KHDRBS2: variants seen among roughly 807,000 people sequenced by gnomAD.
KHDRBS2 encodes KH RNA binding domain containing, signal transduction associated 2, also known as KH domain-containing, RNA-binding, signal transduction-associated protein 2.
A neutral mutation model predicts 44.3 loss-of-function variants in KHDRBS2; 26 were observed. The ratio of observed to expected loss-of-function variants is 0.59; its 90% confidence interval spans 0.43 to 0.81. KHDRBS2 has a LOEUF of 0.81. Among genes scored for constraint, KHDRBS2 ranks in the 40% least tolerant of loss-of-function variants. KHDRBS2 has a pLI of 0.00. For synonymous variants in KHDRBS2, 194 were observed against 151.1 expected, an observed-to-expected ratio of 1.28 and a Z score of -2.08; for missense variants, 476 against 433.1, an observed-to-expected ratio of 1.10 and a Z score of -0.88.
At chr6:61,635,515 A>G in the KHDRBS2 span, among the ~76,000 whole-genome samples, 32 of 152,024 alleles carry the variant, frequency 2.1e-4, no homozygotes, top group Admixed American at 2.1e-3. Flanking sequence ...GGGGCTTCTC[A>G]GGGGTTCTAG....
At chr6:61,851,974 C>T (rs1795490874) in intron 6 of KHDRBS2, among the ~76,000 whole-genome samples, 1 of 152,172 alleles carries the variant, frequency 6.6e-6, no homozygotes, top group African/African-American at 2.4e-5. Flanking sequence ...GTAATCCCAG[C>T]ACTTTGGGAG....
At chr6:61,629,262 A>G in the KHDRBS2 span, among the ~76,000 whole-genome samples, 4 of 152,186 alleles carry the variant, frequency 2.6e-5, no homozygotes, top group Non-Finnish European at 5.9e-5. Context: ...GCAAAATTGC[A>G]CCTTTAAGTA....
At chr6:62,114,729 T>A (rs1805805904) in intron 2 of KHDRBS2, among the ~76,000 whole-genome samples, 1 of 152,100 alleles carries the variant, frequency 6.6e-6, no homozygotes, top group African/African-American at 2.4e-5. Context: ...TTTGCCCATT[T>A]TACAGACAAG....
intron 8 of KHDRBS2, 87 bp from the exon 9 acceptor site, chr6:61,681,147 A>G: frequency 1.2e-6 from 1 of 863,184 alleles, no homozygotes. Flanking sequence ...GACCGAGAAA[A>G]AGAAAACAAA....
intron 6 of KHDRBS2, among the ~76,000 whole-genome samples, chr6:61,748,083 T>G (rs1312799580): frequency 6.6e-6 from 1 of 152,086 alleles, no homozygotes; most frequent in Non-Finnish European, 1.5e-5. Flanking sequence ...CTCTGCCTCT[T>G]GGGTTCAAGC....
intron 6 of KHDRBS2, among the ~76,000 whole-genome samples, chr6:61,882,346 G>A (rs760374406): frequency 2.2e-4 from 33 of 151,990 alleles, no homozygotes; most frequent in Non-Finnish European, 4.4e-4. Context: ...TCATACGGGT[G>A]TTTATAAGTC....
chr6:62,275,862 T>C (rs1176466217), intron 1 of KHDRBS2, among the ~76,000 whole-genome samples: 3 of 152,184 alleles, frequency 2.0e-5, no homozygotes, highest in African/African-American at 7.2e-5. Context: ...TTCCTTTTTA[T>C]CTTTTCCTAT....
At chr6:62,143,795 G>C (rs1242128085) in intron 2 of KHDRBS2, among the ~76,000 whole-genome samples, 1 of 151,894 alleles carries the variant, frequency 6.6e-6, no homozygotes, top group Non-Finnish European at 1.5e-5. Context: ...ATTCTGAATG[G>C]TATGCTGCTC....
intron 7 of KHDRBS2, among the ~76,000 whole-genome samples, chr6:61,712,650 C>A (rs945661703): frequency 6.6e-6 from 1 of 151,778 alleles, no homozygotes; most frequent in Non-Finnish European, 1.5e-5. Flanking sequence ...CATTTTGAAT[C>A]CTAGTTTCTT....
rs1176034979 is a variant in KHDRBS2 at position 61,769,196 on chromosome 6, CA to C, written c.811-36433del. Among the ~76,000 whole-genome samples the C allele has an allele frequency of 7.2e-5, 11 of 152,030 alleles. No individual in the cohort carries two copies. The East Asian group carries it at 1.7e-3, about 24-fold the overall frequency. On this transcript the variant is annotated intron_variant, in intron 6 of 8. Coordinates refer to ENST00000281156, the MANE Select transcript of KHDRBS2 (RefSeq NM_152688.4). ...ACTGGGAGGGAGGAGCCAAGATGGC[CA>C]AATAGGAACAGCTCCGGTCTACGGA...
intron 1 of KHDRBS2, among the ~76,000 whole-genome samples, chr6:62,263,670 G>A (rs1169037888): frequency 1.3e-5 from 2 of 151,628 alleles, no homozygotes; most frequent in Non-Finnish European, 3.0e-5. Flanking sequence ...AATGCTTTGT[G>A]TTTCTTATAA....
chr6:61,932,395 T>A (rs1351360529), intron 4 of KHDRBS2, among the ~76,000 whole-genome samples: 2 of 152,308 alleles, frequency 1.3e-5, no homozygotes, highest in East Asian at 3.9e-4. Context: ...CTAACTGTAA[T>A]TATGTATTTT....
intron 6 of KHDRBS2, among the ~76,000 whole-genome samples, chr6:61,761,141 G>C (rs751632776): frequency 6.6e-6 from 1 of 152,146 alleles, no homozygotes; most frequent in Non-Finnish European, 1.5e-5. Context: ...GTTTTCCAGA[G>C]AAATTGTCTT....
chr6:61,557,626 C>T, the KHDRBS2 span, among the ~76,000 whole-genome samples: 1 of 152,236 alleles, frequency 6.6e-6, no homozygotes, highest in Admixed American at 6.5e-5. Flanking sequence ...GTTTTGATAT[C>T]AGGATAATAG....
chr6:62,093,712 T>C (rs1275712997), intron 2 of KHDRBS2, among the ~76,000 whole-genome samples: 1 of 151,892 alleles, frequency 6.6e-6, no homozygotes, highest in African/African-American at 2.4e-5. Context: ...GACAATGTTT[T>C]AGATTCCCAT....
chr6:61,563,152 T>C, the KHDRBS2 span, among the ~76,000 whole-genome samples: 2 of 152,134 alleles, frequency 1.3e-5, no homozygotes, highest in Non-Finnish European at 2.9e-5. Flanking sequence ...TTCAAGACTT[T>C]CTGGTATCAA....
At chr6:62,189,037 C>A (rs558856509) in intron 1 of KHDRBS2, among the ~76,000 whole-genome samples, 2 of 152,116 alleles carry the variant, frequency 1.3e-5, no homozygotes, top group East Asian at 1.9e-4. Flanking sequence ...ATTGCTTGAA[C>A]ACGGGAGGTG....
intron 1 of KHDRBS2, among the ~76,000 whole-genome samples, chr6:62,197,375 C>A (rs1329308545): frequency 6.6e-6 from 1 of 152,032 alleles, no homozygotes; most frequent in Non-Finnish European, 1.5e-5. Context: ...TGGTTACAAT[C>A]AAATCAGCAT....
Position 61,958,391 on chromosome 6 carries a change from C to G in KHDRBS2, c.483+19675G>C, listed in dbSNP as rs149277660. The stretch of plus-strand genomic sequence containing the variant: ...TTTCCTGTTTTGGGGATAAAAATGC[C>G]CACACCCTTGAAGAGAAAGCCATTT... On this transcript the variant is annotated intron_variant, in intron 4 of 8. Transcript: ENST00000281156. Among the ~76,000 whole-genome samples, 665 of 152,216 alleles carry G rather than the reference C, an allele frequency of 4.4e-3. 4 individuals carry two copies. The highest frequency in any genetic ancestry group is 0.016 in the African/African-American group (649 of 41,538).
Sources: allele counts gnomAD v4.1 joint callset (sites outside exome capture counted in the v4.1 genomes callset), GRCh38; gene constraint gnomAD v4.1.1; transcripts MANE v1.5; gene names NCBI Gene and HGNC (gene_info 2026-07-23, HGNC 2026-07-21).